UGT2A2: variants seen among roughly 807,000 people sequenced by gnomAD.
The protein encoded by UGT2A2 is UDP glucuronosyltransferase family 2 member A2.
In UGT2A2, 60 loss-of-function variants were observed where a neutral mutation model predicts 50.7. The ratio of observed to expected loss-of-function variants is 1.18; its 90% CI spans 0.96 to 1.47. UGT2A2 has a LOEUF of 1.47. UGT2A2 is among the 40% of genes most tolerant of loss of function. The probability of loss-of-function intolerance (pLI) is 0.00; values close to 1 mark genes in which losing one functional copy is unlikely to be tolerated. For synonymous variants in UGT2A2, 242 were observed against 214.6 expected, an observed-to-expected ratio of 1.13 and a Z score of -1.11; for missense variants, 762 against 634.0, an observed-to-expected ratio of 1.20 and a Z score of -2.17.
chr4:69,590,638 A>AGTGTGT (rs4148321), intron 5 of UGT2A2, among the ~76,000 whole-genome samples: 167 of 150,300 alleles, frequency 1.1e-3, no homozygotes, highest in East Asian at 7.5e-3. Flanking sequence ...ACATGTGTTG[A>AGTGTGT]GTGTGTGTGT....
chr4:69,596,135 C>T (rs1468694644), intron 3 of UGT2A2, 115 bp downstream of exon 3: 3 of 1,305,332 alleles, frequency 2.3e-6, no homozygotes, highest in Non-Finnish European at 3.0e-6. Context: ...ACAACTGTTA[C>T]TAGTGATACT....
intron 1 of UGT2A2, among the ~76,000 whole-genome samples, chr4:69,634,844 A>T (rs916611061): frequency 1.3e-5 from 2 of 152,184 alleles, no homozygotes; most frequent in Non-Finnish European, 2.9e-5. Context: ...TTTTCCACTG[A>T]CATCTAGAAT....
At chr4:69,616,367 CTAAGAG>C (rs1444085973) in intron 1 of UGT2A2, among the ~76,000 whole-genome samples, 1 of 151,720 alleles carries the variant, frequency 6.6e-6, no homozygotes, top group Non-Finnish European at 1.5e-5. Context: ...TTTAAAATGA[CTAAGAG>C]TGGAATTGGA....
chr4:69,639,642 C>T lies in UGT2A2; in HGVS notation c.-2G>A. 6.4e-7 allele frequency: 1 copy of T among 1,561,856 alleles called. No homozygotes were observed. The highest frequency in any genetic ancestry group is 8.6e-7 in the Non-Finnish European group (1 of 1,161,308). On this transcript the variant is annotated 5_prime_UTR_variant, in exon 1 of 6. Coordinates refer to ENST00000604629, the MANE Select transcript of UGT2A2 (RefSeq NM_001105677.2). ...GGTAAAATCCCTTATGGAAACCATCCTACTGTAGATCCTTCAAGATGAAAA... is the reference window on the plus strand; with the variant it reads ...GGTAAAATCCCTTATGGAAACCATCTTACTGTAGATCCTTCAAGATGAAAA...
chr4:69,604,198 A>G (rs1719466442), intron 1 of UGT2A2, among the ~76,000 whole-genome samples: 1 of 137,106 alleles, frequency 7.3e-6, no homozygotes, highest in Non-Finnish European at 1.6e-5. Context: ...AGGGAAGCCC[A>G]TCAGACTAAC....
chr4:69,597,570 A>G (rs890537468), intron 2 of UGT2A2, among the ~76,000 whole-genome samples: 1 of 152,172 alleles, frequency 6.6e-6, no homozygotes, highest in African/African-American at 2.4e-5. Context: ...TGACTAGCCA[A>G]ATAACTAGGG....
At chr4:69,623,362 A>C (rs1158366874) in intron 1 of UGT2A2, among the ~76,000 whole-genome samples, 11 of 151,734 alleles carry the variant, frequency 7.2e-5, no homozygotes, top group Non-Finnish European at 1.3e-4. Context: ...ATTTGAATAC[A>C]AGTAATTTTT....
chr4:69,638,056 C>T (rs777815912), intron 1 of UGT2A2, among the ~76,000 whole-genome samples: 18 of 151,572 alleles, frequency 1.2e-4, no homozygotes, highest in African/African-American at 1.7e-4. Flanking sequence ...AAAAAAGGAA[C>T]GACCAAGGGG....
chr4:69,632,947 T>C (rs1721469224), intron 1 of UGT2A2, among the ~76,000 whole-genome samples: 1 of 152,010 alleles, frequency 6.6e-6, no homozygotes, highest in African/African-American at 2.4e-5. Flanking sequence ...AGGAATACGT[T>C]ATGCACTAGA....
At chr4:69,625,197 T>A (rs1053302527) in intron 1 of UGT2A2, among the ~76,000 whole-genome samples, 4 of 151,078 alleles carry the variant, frequency 2.6e-5, no homozygotes, top group Non-Finnish European at 3.0e-5. Context: ...AAGTATTTTT[T>A]AATTTTCCTT....
intron 1 of UGT2A2, among the ~76,000 whole-genome samples, chr4:69,628,897 T>C (rs1485006975): frequency 6.6e-6 from 1 of 151,752 alleles, no homozygotes; most frequent in African/African-American, 2.4e-5. Context: ...TAAGTTATAG[T>C]CTACACTGAG....
At chr4:69,627,582 G>GA (rs910514836) in intron 1 of UGT2A2, among the ~76,000 whole-genome samples, 1 of 142,532 alleles carries the variant, frequency 7.0e-6, no homozygotes, top group East Asian at 2.0e-4. Flanking sequence ...AAGAGAGAAA[G>GA]AAAAAAAGAA....
chr4:69,635,849 A>AAAAAAAAAAAAAAAAAC (rs772370302), intron 1 of UGT2A2: 1 of 118,514 alleles, frequency 8.4e-6, no homozygotes. Context: ...AAAAAAAAAA[A>AAAAAAAAAAAAAAAAAC]AGAGAGAGAG....
chr4:69,590,594 A>G (rs890822452), intron 5 of UGT2A2, among the ~76,000 whole-genome samples: 1 of 151,996 alleles, frequency 6.6e-6, no homozygotes, highest in African/African-American at 2.4e-5. Context: ...ACAAGAGAAC[A>G]TGGTACAACT....
At chr4:69,626,009 G>A (rs1035661360) in intron 1 of UGT2A2, among the ~76,000 whole-genome samples, 15 of 151,516 alleles carry the variant, frequency 9.9e-5, no homozygotes, top group African/African-American at 3.6e-4. Flanking sequence ...TAGAGTACTT[G>A]TCTACTAATT....
intron 1 of UGT2A2, among the ~76,000 whole-genome samples, chr4:69,620,820 A>G (rs1386831484): frequency 1.3e-5 from 2 of 151,750 alleles, no homozygotes; most frequent in Non-Finnish European, 2.9e-5. Flanking sequence ...CAGAATAGAG[A>G]GCTCATAAAT....
chr4:69,626,810 C>T (rs577981116), intron 1 of UGT2A2, among the ~76,000 whole-genome samples: 1 of 151,578 alleles, frequency 6.6e-6, no homozygotes, highest in African/African-American at 2.4e-5. Context: ...GTGTTCTATT[C>T]ATTCATACTA....
At chr4:69,630,798 G>A (rs1369940821) in intron 1 of UGT2A2, among the ~76,000 whole-genome samples, 2 of 151,954 alleles carry the variant, frequency 1.3e-5, no homozygotes, top group East Asian at 3.9e-4. Flanking sequence ...TACCGCTGGA[G>A]GAATTCCTGA....
intron 2 of UGT2A2, among the ~76,000 whole-genome samples, chr4:69,597,465 A>C (rs1451121306): frequency 1.3e-5 from 2 of 152,280 alleles, no homozygotes; most frequent in Non-Finnish European, 1.5e-5. Flanking sequence ...CTTTCACATC[A>C]TATCTATATG....
Sources: allele counts gnomAD v4.1 joint callset (sites outside exome capture counted in the v4.1 genomes callset), GRCh38; gene constraint gnomAD v4.1.1; transcripts MANE v1.5; gene names NCBI Gene and HGNC (gene_info 2026-07-23, HGNC 2026-07-21).